The following SAFB variants were observed in gnomAD, a reference collection of about 807,000 sequenced individuals.
SAFB encodes the protein scaffold attachment factor B1.
A neutral mutation model predicts 101.6 loss-of-function variants in SAFB; 15 were observed. The ratio of observed to expected loss-of-function variants is 0.15; its 90% CI spans 0.10 to 0.23. The LOEUF is 0.23. Ranked by LOEUF, SAFB falls within the 10% of genes least tolerant of loss-of-function variation. The probability of loss-of-function intolerance (pLI) is 1.00; values close to 1 mark genes in which losing one functional copy is unlikely to be tolerated. For missense variants in SAFB, 930 were observed against 1,104.1 expected, an observed-to-expected ratio of 0.84 and a Z score of 2.23; for synonymous variants, 449 against 407.5, an observed-to-expected ratio of 1.10 and a Z score of -1.23.
chr19:5,647,527 A>G (rs1245778900), intron 5 of SAFB, among the ~76,000 whole-genome samples: 1 of 152,016 alleles, frequency 6.6e-6, no homozygotes, highest in Non-Finnish European at 1.5e-5. Flanking sequence ...TGAAGGAGGG[A>G]GGGTATTTAC....
intron 4 of SAFB, among the ~76,000 whole-genome samples, chr19:5,643,235 C>G (rs1242399510): frequency 6.6e-6 from 1 of 152,042 alleles, no homozygotes; most frequent in Non-Finnish European, 1.5e-5. Context: ...AGCTGTGGGG[C>G]CCTTTCTGTG....
chr19:5,659,721 A>G (rs897712023), intron 14 of SAFB, among the ~76,000 whole-genome samples: 3 of 151,244 alleles, frequency 2.0e-5, no homozygotes, highest in African/African-American at 4.9e-5. Context: ...AAAGTCTCCC[A>G]TAGTCCTGTG....
At chr19:5,659,499 A>C (rs1231068256) in intron 14 of SAFB, among the ~76,000 whole-genome samples, 2 of 151,218 alleles carry the variant, frequency 1.3e-5, no homozygotes, top group African/African-American at 4.9e-5. Context: ...CTCCTGCCTC[A>C]GCCTCCCTAG....
At chr19:5,650,418 C>T (rs749473822) in intron 8 of SAFB, among the ~76,000 whole-genome samples, 4 of 152,066 alleles carry the variant, frequency 2.6e-5, no homozygotes, top group Admixed American at 6.6e-5. Flanking sequence ...TAAGCGATCG[C>T]TAACTTTTTT....
chr19:5,653,990 C>T, intron 11 of SAFB, 71 bp from the exon 12 acceptor site: 1 of 1,492,156 alleles, frequency 6.7e-7, no homozygotes, highest in Non-Finnish European at 9.3e-7. Flanking sequence ...ATCCGCCCGC[C>T]TCATCCCCCC....
rs753833658 is a variant in SAFB at position 5,664,065 on chromosome 19, G to A, written c.2197G>A (p.Asp733Asn). 26 of 1,613,940 alleles carry A rather than the reference G, an allele frequency of 1.6e-5. No homozygotes were observed. Among genetic ancestry groups the A allele is most frequent in the South Asian group, 3.3e-5 (3 of 91,086 alleles). Residue 733 changes from aspartate (D) to asparagine (N), a missense_variant, in exon 16 of 21, where the codon GAT becomes AAT. Asp to Asn is a conservative substitution (Grantham distance 23). Coordinates refer to ENST00000588852, the MANE Select transcript of SAFB (RefSeq NM_001201338.2). The part of the protein sequence containing the change: ...YWPEAKRAAL[D>N]ERYHSDFNRQ... ...GCCGGAAGCCAAGCGGGCCGCCCTG[G>A]ATGAGCGCTACCATTCTGACTTTAA...
At chr19:5,627,712 C>T (rs1025688271) in intron 2 of SAFB, among the ~76,000 whole-genome samples, 9 of 152,166 alleles carry the variant, frequency 5.9e-5, no homozygotes, top group South Asian at 4.1e-4. Context: ...TCCGCCCACC[C>T]TTCCCCATCT....
intron 8 of SAFB, among the ~76,000 whole-genome samples, chr19:5,650,412 C>T (rs892645133): frequency 6.0e-4 from 91 of 152,182 alleles, no homozygotes; most frequent in African/African-American, 2.0e-3. Flanking sequence ...TGTAATTAAG[C>T]GATCGCTAAC....
intron 4 of SAFB, among the ~76,000 whole-genome samples, chr19:5,644,238 A>G (rs1359425051): frequency 6.6e-6 from 1 of 152,208 alleles, no homozygotes; most frequent in Non-Finnish European, 1.5e-5. Context: ...TGAAGAATTT[A>G]CTAGGCAGCT....
intron 1 of SAFB, among the ~76,000 whole-genome samples, chr19:5,625,058 AT>A (rs1599306227): frequency 6.6e-6 from 1 of 152,026 alleles, no homozygotes; most frequent in African/African-American, 2.4e-5. Flanking sequence ...GAGAGCACAG[AT>A]TTGTTCCTTC....
rs777557846 is a variant in SAFB, at chr19:5,623,184, C to T, written c.-22C>T. On this transcript the variant is annotated 5_prime_UTR_variant, in exon 1 of 21. Transcript: ENST00000588852. Reference sequence around the variant, plus strand: ...CCGGCCCGGTTCTGTGGAAAGTGGGCGGCGGAGCCAGGGTCCCTGGAATGG... The same window carrying T: ...CCGGCCCGGTTCTGTGGAAAGTGGGTGGCGGAGCCAGGGTCCCTGGAATGG... 6.4e-7 allele frequency: 1 copy of T among 1,559,472 alleles called. No homozygotes were observed. Among genetic ancestry groups the T allele is most frequent in the Non-Finnish European group, 8.7e-7 (1 of 1,152,556 alleles).
At chr19:5,630,256 A>C in intron 2 of SAFB, among the ~76,000 whole-genome samples, 1 of 152,194 alleles carries the variant, frequency 6.6e-6, no homozygotes, top group Non-Finnish European at 1.5e-5. Context: ...TCTTCTGATA[A>C]TTGGACATTT....
intron 4 of SAFB, among the ~76,000 whole-genome samples, chr19:5,642,460 A>G (rs1433811214): frequency 1.4e-5 from 2 of 138,514 alleles, no homozygotes; most frequent in African/African-American, 5.5e-5. Context: ...CTTGTTTAAA[A>G]CAAACAAACA....
intron 8 of SAFB, among the ~76,000 whole-genome samples, chr19:5,650,438 G>A (rs1395266436): frequency 1.3e-5 from 2 of 152,110 alleles, no homozygotes; most frequent in Non-Finnish European, 2.9e-5. Context: ...TTGAGACAGA[G>A]TCTTGTTCTG....
At position 5,649,968 on chromosome 19, in the gene SAFB, G is replaced by A; in HGVS notation, c.1191G>A (p.Glu397=). 1.2e-6 allele frequency: 2 copies of A among 1,613,866 alleles called. No individual in the cohort carries two copies. Among genetic ancestry groups the A allele is most frequent in the Non-Finnish European group, 1.7e-6 (2 of 1,179,752 alleles). ...CGGATACAAAAAGGCTTTCCAAAGAGGAAAAGGGTAGGTCACCTCGGCGAC... is the reference window on the plus strand; with the variant it reads ...CGGATACAAAAAGGCTTTCCAAAGAAGAAAAGGGTAGGTCACCTCGGCGAC... The part of the protein sequence containing the change: ...DDSDTKRLSK[E]EKGRSSCGRN... The change falls in exon 8 of 21, where the codon GAG becomes GAA. Residue 397 remains glutamate (E), a synonymous_variant. Coordinates refer to ENST00000588852, the MANE Select transcript of SAFB (RefSeq NM_001201338.2).
rs2054008910 is a variant in SAFB, at chr19:5,654,432, A to G, written c.1731A>G (p.Val577=). 1 of 1,611,296 alleles carries G rather than the reference A, an allele frequency of 6.2e-7. No homozygotes were observed. Among genetic ancestry groups the G allele is most frequent in the Non-Finnish European group, 8.5e-7 (1 of 1,177,388 alleles). Residue 577 remains valine (V), a synonymous_variant, in exon 13 of 21, where the codon GTA becomes GTG. Transcript: ENST00000588852. The stretch of plus-strand genomic sequence containing the variant: ...CCAAAGGGGTGCCTGTGATTAGTGT[A>G]AAAACGTCCGGGTCCAAAGAGAGAG... ...DKSKGVPVIS[V]KTSGSKERAS...
At chr19:5,651,768 G>T (rs761526086) in intron 9 of SAFB, among the ~76,000 whole-genome samples, 1 of 152,140 alleles carries the variant, frequency 6.6e-6, no homozygotes, top group Non-Finnish European at 1.5e-5. Context: ...AGGGCTCCTC[G>T]TCTCTCTCAG....
At chr19:5,636,012 G>A (rs774275634) in intron 2 of SAFB, among the ~76,000 whole-genome samples, 5 of 152,002 alleles carry the variant, frequency 3.3e-5, no homozygotes, top group Admixed American at 2.6e-4. Flanking sequence ...TCCAGTCAGG[G>A]ATGTGCTTTA....
Position 5,667,240 on chromosome 19 carries a change from C to A in SAFB, c.2453+76C>A. 1 of 1,237,114 alleles carries A rather than the reference C, an allele frequency of 8.1e-7. No homozygotes were observed. Among genetic ancestry groups the A allele is most frequent in the Non-Finnish European group, 1.1e-6 (1 of 892,050 alleles). 76.6% of individuals were successfully genotyped at this position (1,237,114 alleles called of 1,614,324 possible). A position where few individuals can be genotyped will look rare whatever the true frequency, so the allele number is the denominator to read the frequency against. ...GGCCCGCAAGTCGCTGGGATGTGGGCACAGGGTGGGAAACACAGAGGGATT... is the reference window on the plus strand; with the variant it reads ...GGCCCGCAAGTCGCTGGGATGTGGGAACAGGGTGGGAAACACAGAGGGATT... On this transcript the variant is annotated intron_variant, in intron 18 of 20. Coordinates refer to ENST00000588852, the MANE Select transcript of SAFB (RefSeq NM_001201338.2). The surrounding 1 kb of genome is among the most constrained non-coding windows in gnomAD (Gnocchi z 4.0).
Sources: allele counts gnomAD v4.1 joint callset (sites outside exome capture counted in the v4.1 genomes callset), GRCh38; gene constraint gnomAD v4.1.1; non-coding constraint Gnocchi (gnomAD v3.1); transcripts MANE v1.5; gene names NCBI Gene and HGNC (gene_info 2026-07-23, HGNC 2026-07-21).